Variants in NFAM1 observed in about 807,000 individuals in gnomAD.
The protein encoded by NFAM1 is NFAT activation molecule 1.
NFAM1 carries 17 observed loss-of-function variants against 29.0 expected under a neutral mutation model. The observed-to-expected ratio is 0.59, with a 90% CI of 0.40 to 0.88. NFAM1 has a LOEUF of 0.88. Ranked by LOEUF, NFAM1 falls within the 40% of genes least tolerant of loss-of-function variation. The probability of loss-of-function intolerance (pLI) is 0.00; values close to 1 mark genes in which losing one functional copy is unlikely to be tolerated. For missense variants in NFAM1, 324 were observed against 344.6 expected (o/e 0.94, Z 0.47); for synonymous variants, 175 against 147.2 (o/e 1.19, Z -1.36).
At chr22:42,397,372 T>C (rs750227248) in intron 4 of NFAM1, among the ~76,000 whole-genome samples, 1 of 152,240 alleles carries the variant, frequency 6.6e-6, no homozygotes, top group African/African-American at 2.4e-5. Context: ...ATTGTGACCA[T>C]GTAAGATAAT....
intron 1 of NFAM1, among the ~76,000 whole-genome samples, chr22:42,412,592 G>A (rs1259524074): frequency 3.3e-5 from 5 of 152,216 alleles, no homozygotes; most frequent in Admixed American, 3.3e-4. Flanking sequence ...GAGAAAGCTG[G>A]TGATGGATGA....
intron 5 of NFAM1, among the ~76,000 whole-genome samples, chr22:42,386,396 A>ACACACACACACAC (rs1555968132): frequency 0.017 from 2,079 of 125,182 alleles, 28 homozygotes; most frequent in East Asian, 0.043. Flanking sequence ...AAAACAAACA[A>ACACACACACACAC]ACACACACAC....
At chr22:42,414,734 G>A (rs1000486130) in intron 1 of NFAM1, among the ~76,000 whole-genome samples, 3 of 151,852 alleles carry the variant, frequency 2.0e-5, no homozygotes, top group South Asian at 2.1e-4. Flanking sequence ...ATCCTCACCC[G>A]GGGCCTCCTG....
At chr22:42,399,478 AAGAG>A (rs1000499325) in intron 3 of NFAM1, among the ~76,000 whole-genome samples, 10 of 149,920 alleles carry the variant, frequency 6.7e-5, no homozygotes, top group Non-Finnish European at 1.5e-4. Flanking sequence ...GAAAGAAAAA[AAGAG>A]AGAGAGAGAG....
chr22:42,419,735 G>A lies in NFAM1; in HGVS notation c.122-7999C>T, dbSNP rs1930372082. Among the ~76,000 whole-genome samples, 1 of 152,126 alleles carries A rather than the reference G, an allele frequency of 6.6e-6. No homozygotes were observed. The highest frequency in any genetic ancestry group is 2.1e-4 in the South Asian group (1 of 4,834). On this transcript the variant is annotated intron_variant, in intron 1 of 5. Coordinates refer to ENST00000329021, the MANE Select transcript of NFAM1 (RefSeq NM_145912.8). The surrounding 1 kb of genome is among the most constrained non-coding windows in gnomAD (Gnocchi z 4.5). ...CATTCCTTCCTCTCCTGGGCTTTGG[G>A]GTCCCCCTCTGTCTCCAGGACATGC...
chr22:42,385,917 AG>A (rs1171161789), intron 5 of NFAM1, among the ~76,000 whole-genome samples: 2 of 152,194 alleles, frequency 1.3e-5, no homozygotes, highest in African/African-American at 4.8e-5. Flanking sequence ...ATGTTCCAAG[AG>A]GCCTGTGGGC....
intron 1 of NFAM1, among the ~76,000 whole-genome samples, chr22:42,415,641 A>C (rs11090100): frequency 0.46 from 69,857 of 151,456 alleles, 17,063 homozygotes; most frequent in African/African-American, 0.63. Flanking sequence ...CAGAGCTGGA[A>C]TCCTGCAACT....
chr22:42,384,979 T>C lies in NFAM1; in HGVS notation c.*182A>G, dbSNP rs12484229. The C allele has an allele frequency of 0.13, 87,311 of 671,956 alleles. 7,345 individuals are homozygous for C. The highest frequency in any genetic ancestry group is 0.32 in the Admixed American group (14,499 of 45,352). The allele number at this position is 671,956 out of a possible 1,614,324, so 41.6% of individuals were successfully genotyped here. Reference sequence around the variant, plus strand: ...AGGCCCCAAGATGGGAAAGCCTTGGTGGTTGGGGCATAGAATGGGGGGGCA... The same window carrying C: ...AGGCCCCAAGATGGGAAAGCCTTGGCGGTTGGGGCATAGAATGGGGGGGCA... On this transcript the variant is annotated 3_prime_UTR_variant, in exon 6 of 6. Coordinates refer to ENST00000329021, the MANE Select transcript of NFAM1 (RefSeq NM_145912.8).
intron 5 of NFAM1, 108 bp downstream of exon 5, chr22:42,386,881 C>T (rs2147088119): frequency 1.6e-6 from 1 of 626,428 alleles, no homozygotes; most frequent in South Asian, 2.2e-5. Flanking sequence ...GGCTGGGATT[C>T]CACAGCAGGT....
intron 1 of NFAM1, among the ~76,000 whole-genome samples, chr22:42,428,020 G>A (rs958661426): frequency 1.3e-5 from 2 of 152,014 alleles, no homozygotes; most frequent in Admixed American, 1.3e-4. Context: ...CAGCACTGCG[G>A]TTTTTGTGCG....
chr22:42,415,888 C>G (rs1001886722), intron 1 of NFAM1, among the ~76,000 whole-genome samples: 1 of 152,192 alleles, frequency 6.6e-6, no homozygotes. Context: ...CTGTCCCAGA[C>G]CAGGAGGGGC....
At chr22:42,432,533 G>T, upstream of NFAM1, 1 of 807,338 alleles carries the variant, frequency 1.2e-6, no homozygotes, top group Non-Finnish European at 1.9e-6. Context: ...ACCTGGCACT[G>T]AGACTGGTCC....
At chr22:42,406,064 C>T (rs73886086) in intron 3 of NFAM1, among the ~76,000 whole-genome samples, 4,261 of 152,314 alleles carry the variant, frequency 0.028, 204 homozygotes, top group African/African-American at 0.099. Context: ...CCCAGGCCTG[C>T]CACTTGCTCT....
At chr22:42,386,577 G>T (rs1431718111) in intron 5 of NFAM1, among the ~76,000 whole-genome samples, 1 of 152,148 alleles carries the variant, frequency 6.6e-6, no homozygotes, top group Admixed American at 6.5e-5. Flanking sequence ...CCTGGGGGCA[G>T]CTGGAAGCCT....
intron 5 of NFAM1, among the ~76,000 whole-genome samples, chr22:42,386,627 G>T (rs1038043794): frequency 6.6e-6 from 1 of 152,148 alleles, no homozygotes; most frequent in Non-Finnish European, 1.5e-5. Context: ...ACTGTGCCCA[G>T]TGATAGTTAC....
intron 1 of NFAM1, among the ~76,000 whole-genome samples, chr22:42,414,751 C>T (rs1930202118): frequency 6.6e-6 from 1 of 151,956 alleles, no homozygotes. Context: ...CCTGCTCCTC[C>T]TCACAGTGTA....
upstream of NFAM1, among the ~76,000 whole-genome samples, chr22:42,436,237 C>T (rs1035188267): frequency 6.6e-6 from 1 of 152,160 alleles, no homozygotes; most frequent in Non-Finnish European, 1.5e-5. Flanking sequence ...GCAGAAGTGC[C>T]GTGGGAAGGA....
chr22:42,408,988 G>T (rs1187919715), intron 3 of NFAM1, among the ~76,000 whole-genome samples: 1 of 152,144 alleles, frequency 6.6e-6, no homozygotes, highest in Non-Finnish European at 1.5e-5. Context: ...GTGTGGGAGG[G>T]TGTGTGGGAG....
chr22:42,411,703 A>G lies in NFAM1; in HGVS notation c.155T>C (p.Ile52Thr). 6.2e-7 allele frequency: 1 copy of G among 1,614,056 alleles called. No homozygotes were observed. Among genetic ancestry groups the G allele is most frequent in the Non-Finnish European group, 8.5e-7 (1 of 1,179,908 alleles). ...AGCTGTGTTGGCCAGGGAGGCCATG[A>G]TGGGCAGGCCGGTGTGGGTCACTGA... The part of the protein sequence containing the change: ...GQSVTHTGLP[I>T]MASLANTAIS... The change falls in exon 2 of 6, where the codon ATC becomes ACC. Residue 52 changes from isoleucine (I) to threonine (T), a missense_variant. Ile to Thr is a moderately conservative substitution (Grantham distance 89). Transcript: ENST00000329021.
Sources: allele counts gnomAD v4.1 joint callset (sites outside exome capture counted in the v4.1 genomes callset), GRCh38; gene constraint gnomAD v4.1.1; non-coding constraint Gnocchi (gnomAD v3.1); transcripts MANE v1.5; gene names NCBI Gene and HGNC (gene_info 2026-07-23, HGNC 2026-07-21).